Variants in TMPRSS3 observed in about 807,000 individuals in gnomAD.
TMPRSS3 encodes the protein transmembrane protease serine 3.
In TMPRSS3, 55 loss-of-function variants were observed where a neutral mutation model predicts 59.6. That is an observed-to-expected ratio of 0.92 (90% CI 0.74 to 1.16). The LOEUF is 1.16. TMPRSS3 is among the 50% of genes most tolerant of loss of function. The pLI is 0.00. For synonymous variants in TMPRSS3, 257 were observed against 237.7 expected, an observed-to-expected ratio of 1.08 and a Z score of -0.75; for missense variants, 596 against 579.4, an observed-to-expected ratio of 1.03 and a Z score of -0.29.
rs1349939030 is a variant in TMPRSS3, at chr21:42,395,396, C to G, written c.22G>C (p.Ala8Pro). MGENDPP[A>P]VEAPFSFRSL... ...CGGAATGAGAAGGGGGCTTCAACAG[C>G]AGGCGGATCATTTTCCCCCATGGTG... is the stretch of plus-strand genomic sequence containing the variant. Residue 8 changes from alanine to proline, a missense_variant, in exon 2 of 13, where the codon GCT becomes CCT. Ala to Pro is a conservative substitution (Grantham distance 27, BLOSUM62 -1). Coordinates refer to ENST00000644384, the MANE Select transcript of TMPRSS3 (RefSeq NM_001256317.3). The G allele has an allele frequency of 6.2e-7, 1 of 1,614,192 alleles. No individual in the cohort carries two copies. Among genetic ancestry groups the G allele is most frequent in the East Asian group, 2.2e-5 (1 of 44,886 alleles).
rs1442172748 is a variant in TMPRSS3, at chr21:42,371,971, G to A, written c.*791C>T. 2.2e-6 allele frequency: 1 copy of A among 454,594 alleles called. No homozygotes were observed. The highest frequency in any genetic ancestry group is 6.9e-5 in the East Asian group (1 of 14,532). 28.2% of individuals were successfully genotyped at this position (454,594 alleles called of 1,614,324 possible). A position where few individuals can be genotyped will look rare whatever the true frequency, so the allele number is the denominator to read the frequency against. ...ATGCTACAAAGAAATCATGAAAATAGGCCTTAAACGAGTCATTCCTAGATT... is the reference window on the plus strand; with the variant it reads ...ATGCTACAAAGAAATCATGAAAATAAGCCTTAAACGAGTCATTCCTAGATT... On this transcript the variant is annotated 3_prime_UTR_variant, in exon 13 of 13. Transcript: ENST00000644384.
intron 8 of TMPRSS3, chr21:42,382,450 C>G (rs1476112877): frequency 1.7e-6 from 1 of 592,526 alleles, no homozygotes; most frequent in Non-Finnish European, 3.1e-6. Context: ...ACCTCACTCT[C>G]AGCACCTCTG....
intron 7 of TMPRSS3, 144 bp downstream of exon 7, chr21:42,383,826 C>G: frequency 1.2e-6 from 1 of 836,438 alleles, no homozygotes; most frequent in East Asian, 2.6e-5. Context: ...CCTCCTCCAG[C>G]AGGTAGGGGT....
intron 1 of TMPRSS3, 146 bp downstream of exon 1, chr21:42,395,796 A>C (rs2052798809): frequency 5.0e-6 from 2 of 403,578 alleles, no homozygotes. Context: ...AGAAGTTGCC[A>C]TATTGCTATT....
rs372359927 is a variant in TMPRSS3, at chr21:42,395,366, G to A, written c.52C>T (p.Leu18Phe). The A allele has an allele frequency of 6.2e-7, 1 of 1,614,154 alleles. No individual in the cohort carries two copies. Among genetic ancestry groups the A allele is most frequent in the East Asian group, 2.2e-5 (1 of 44,884 alleles). The change falls in exon 2 of 13, where the codon CTT becomes TTT. Residue 18 changes from leucine to phenylalanine, a missense_variant. Coordinates refer to ENST00000644384, the MANE Select transcript of TMPRSS3 (RefSeq NM_001256317.3). Reference sequence around the variant, plus strand: ...ATTTTCAAATCATCAAGGCCAAAAAGCGATCGGAATGAGAAGGGGGCTTCA... The same window carrying A: ...ATTTTCAAATCATCAAGGCCAAAAAACGATCGGAATGAGAAGGGGGCTTCA... Reference protein sequence around the residue: ...AVEAPFSFRSLFGLDDLKISP... With the variant: ...AVEAPFSFRSFFGLDDLKISP...
At chr21:42,373,422 G>A (rs1458354707) in intron 12 of TMPRSS3, among the ~76,000 whole-genome samples, 4 of 152,292 alleles carry the variant, frequency 2.6e-5, no homozygotes, top group Non-Finnish European at 5.9e-5. Context: ...CCCAGGCATC[G>A]CCGGAGCCAG....
intron 2 of TMPRSS3, among the ~76,000 whole-genome samples, chr21:42,391,565 C>T (rs2052735369): frequency 6.6e-6 from 1 of 152,214 alleles, no homozygotes; most frequent in Admixed American, 6.5e-5. Context: ...TGCTTGCAGA[C>T]CACTGTAAAG....
At chr21:42,381,350 G>A (rs1488990459) in intron 9 of TMPRSS3, among the ~76,000 whole-genome samples, 1 of 152,202 alleles carries the variant, frequency 6.6e-6, no homozygotes, top group Non-Finnish European at 1.5e-5. Flanking sequence ...GGGAGCTGAG[G>A]GTGCCCAGCA....
At position 42,376,655 on chromosome 21, in the gene TMPRSS3, C is replaced by T. The variant is rs756432794; in HGVS notation, c.1077G>A (p.Ala359=). The change falls in exon 11 of 13, where the codon GCG becomes GCA. Residue 359 remains alanine, a synonymous_variant. Coordinates refer to ENST00000644384, the MANE Select transcript of TMPRSS3 (RefSeq NM_001256317.3). ...GGDASPVLNH[A]AVPLISNKIC... is the part of the protein sequence containing the mutation. ...TCTTGTTGGAAATCAAAGGGACGGC[C>T]GCGTGGTTCAGGACAGGGGAGGCGT... 34 of 1,613,920 alleles carry T rather than the reference C, an allele frequency of 2.1e-5. No homozygotes were observed. Among genetic ancestry groups the T allele is most frequent in the South Asian group, 4.4e-5 (4 of 91,080 alleles).
At chr21:42,386,803 T>G (rs1430484353) in intron 5 of TMPRSS3, among the ~76,000 whole-genome samples, 4 of 149,566 alleles carry the variant, frequency 2.7e-5, no homozygotes, top group Non-Finnish European at 4.5e-5. Context: ...TTTATTTATT[T>G]ATTTTTGAAT....
Position 42,372,516 on chromosome 21 carries a change from C to T in TMPRSS3, c.*246G>A, listed in dbSNP as rs57692239. The T allele has an allele frequency of 0.011, 7,112 of 648,536 alleles. 383 individuals carry two copies. The East Asian group carries it at 0.14, about 13-fold the overall frequency. 40.2% of individuals were successfully genotyped at this position (648,536 alleles called of 1,614,324 possible). A position where few individuals can be genotyped will look rare whatever the true frequency, so the allele number is the denominator to read the frequency against. ...CGGAGGCTGCAGTGAGCAGGGATTTCGCCACTGCACTCCAGCCTGGGCAAC... is the reference window on the plus strand; with the variant it reads ...CGGAGGCTGCAGTGAGCAGGGATTTTGCCACTGCACTCCAGCCTGGGCAAC... On this transcript the variant is annotated 3_prime_UTR_variant, in exon 13 of 13. Transcript: ENST00000644384.
intron 2 of TMPRSS3, 115 bp from the exon 3 acceptor site, chr21:42,390,152 C>G: frequency 1.2e-6 from 1 of 852,738 alleles, no homozygotes; most frequent in Admixed American, 2.0e-5. Flanking sequence ...AGTCTCAGCC[C>G]AAAGAAAGGT....
intron 10 of TMPRSS3, among the ~76,000 whole-genome samples, chr21:42,377,419 A>C (rs1312696353): frequency 6.6e-6 from 1 of 152,222 alleles, no homozygotes; most frequent in Non-Finnish European, 1.5e-5. Flanking sequence ...TGGGAAAGGC[A>C]GGAGACAGAT....
chr21:42,380,045 T>C, intron 10 of TMPRSS3, 72 bp downstream of exon 10: 1 of 1,309,516 alleles, frequency 7.6e-7, no homozygotes, highest in Non-Finnish European at 1.1e-6. Context: ...AATGGGACAT[T>C]GGGGGAGCCC....
At chr21:42,390,073 G>T in intron 2 of TMPRSS3, 36 bp from the exon 3 acceptor site, 1 of 1,491,010 alleles carries the variant, frequency 6.7e-7, no homozygotes, top group Non-Finnish European at 9.4e-7. Flanking sequence ...GAAAGCCACA[G>T]AACCTGACTT....
chr21:42,374,146 T>C (rs1420021419), intron 12 of TMPRSS3, among the ~76,000 whole-genome samples: 2 of 152,184 alleles, frequency 1.3e-5, no homozygotes, highest in Non-Finnish European at 2.9e-5. Context: ...CAGTTGTCCA[T>C]CCTGGTCCTT....
chr21:42,383,003 G>A, intron 8 of TMPRSS3, 30 bp downstream of exon 8: 2 of 1,613,384 alleles, frequency 1.2e-6, no homozygotes, highest in Non-Finnish European at 1.7e-6. Context: ...GAGTGAACAG[G>A]GGTCTGGGAA....
Position 42,383,083 on chromosome 21 carries a change from G to C in TMPRSS3, c.732C>G (p.Gly244=). Residue 244 remains glycine (G), a synonymous_variant, in exon 8 of 13, where the codon GGC becomes GGG. Coordinates refer to ENST00000644384, the MANE Select transcript of TMPRSS3 (RefSeq NM_001256317.3). ...LQFQGYHLCG[G]SVITPLWIIT... Reference sequence around the variant, plus strand: ...TGATCCACAGGGGCGTGATGACAGAGCCCCCGCACAGGTGGTAGCCCTGGA... The same window carrying C: ...TGATCCACAGGGGCGTGATGACAGACCCCCCGCACAGGTGGTAGCCCTGGA... 1 of 1,614,154 alleles carries C rather than the reference G, an allele frequency of 6.2e-7. No individual in the cohort carries two copies.
intron 8 of TMPRSS3, 186 bp downstream of exon 8, chr21:42,382,847 C>A (rs2146435691): frequency 1.4e-6 from 1 of 712,832 alleles, no homozygotes; most frequent in Non-Finnish European, 2.4e-6. Context: ...CTCAGGGTCA[C>A]AAGTTACCCC....
Sources: gnomAD v4.1 joint callset for allele counts (sites outside exome capture counted in the v4.1 genomes callset) on GRCh38, gnomAD v4.1.1 for gene constraint, MANE v1.5 for transcripts, NCBI Gene and HGNC (gene_info 2026-07-23, HGNC 2026-07-21) for gene names.